The following NRG3 variants were observed in gnomAD, a reference collection of about 807,000 sequenced individuals.
NRG3 encodes the protein pro-neuregulin-3, membrane-bound isoform.
A neutral mutation model predicts 66.9 loss-of-function variants in NRG3; 31 were observed. The observed-to-expected ratio is 0.46, with a 90% CI of 0.35 to 0.63. NRG3 has a LOEUF of 0.63. Among genes scored for constraint, NRG3 ranks in the 20% least tolerant of loss-of-function variants. The probability of loss-of-function intolerance (pLI) is 0.00; values close to 1 mark genes in which losing one functional copy is unlikely to be tolerated. For synonymous variants in NRG3, 393 were observed against 359.4 expected (o/e 1.09, Z -1.06); for missense variants, 910 against 878.9 (o/e 1.04, Z -0.45).
At chr10:81,911,341 T>A (rs1389032908) in intron 1 of NRG3, among the ~76,000 whole-genome samples, 1 of 152,170 alleles carries the variant, frequency 6.6e-6, no homozygotes, top group Non-Finnish European at 1.5e-5. Context: ...CAAAGCCTGC[T>A]ATGGTGCAAA....
intron 2 of NRG3, among the ~76,000 whole-genome samples, chr10:82,530,587 C>G (rs1402363869): frequency 6.6e-6 from 1 of 151,846 alleles, no homozygotes; most frequent in Non-Finnish European, 1.5e-5. Context: ...TCTTACCAAA[C>G]TCAGTTGGGA....
chr10:82,414,854 A>T (rs529190735), intron 2 of NRG3, among the ~76,000 whole-genome samples: 1 of 152,266 alleles, frequency 6.6e-6, no homozygotes, highest in African/African-American at 2.4e-5. Context: ...AACAGGAAGG[A>T]TTCTTGTATT....
At chr10:82,598,327 T>C (rs2047410282) in intron 2 of NRG3, among the ~76,000 whole-genome samples, 1 of 152,176 alleles carries the variant, frequency 6.6e-6, no homozygotes, top group South Asian at 2.1e-4. Context: ...TGGAAGGCAG[T>C]TTTATGTAAT....
At chr10:82,667,157 G>T (rs936085522) in intron 2 of NRG3, among the ~76,000 whole-genome samples, 1 of 152,164 alleles carries the variant, frequency 6.6e-6, no homozygotes, top group African/African-American at 2.4e-5. Flanking sequence ...CTGAACTCAG[G>T]AGTGGTCAAA....
intron 3 of NRG3, among the ~76,000 whole-genome samples, chr10:82,768,952 AT>A (rs1409468733): frequency 6.6e-6 from 1 of 152,100 alleles, no homozygotes; most frequent in Admixed American, 6.6e-5. Context: ...TTCTCTTTCT[AT>A]GTATTTAAGA....
intron 3 of NRG3, among the ~76,000 whole-genome samples, chr10:82,847,042 T>G (rs74995437): frequency 0.024 from 3,587 of 152,238 alleles, 150 homozygotes; most frequent in African/African-American, 0.082. Context: ...TCATCAGAGA[T>G]CCAGTTCCTT....
chr10:82,082,413 A>G lies in NRG3; in HGVS notation c.823+206250A>G, dbSNP rs141304551. 1.5e-3 allele frequency among the ~76,000 whole-genome samples: 223 copies of G among 152,350 alleles called. 1 individual carries two copies. The highest frequency in any genetic ancestry group is 4.8e-3 in the African/African-American group (200 of 41,578). On this transcript the variant is annotated intron_variant, in intron 1 of 8. Transcript: ENST00000372141. ...ATTAAAGTCCACTGAGGTGTAGTCA[A>G]TTGCCAGCTAGTGAGTCAAGGAAGT...
At chr10:82,503,730 A>G (rs544316369) in intron 2 of NRG3, among the ~76,000 whole-genome samples, 18 of 152,312 alleles carry the variant, frequency 1.2e-4, no homozygotes, top group African/African-American at 3.8e-4. Context: ...AGCTCAGGAA[A>G]GATTATATCA....
intron 2 of NRG3, among the ~76,000 whole-genome samples, chr10:82,697,501 C>G (rs2055485006): frequency 6.6e-6 from 1 of 152,150 alleles, no homozygotes; most frequent in African/African-American, 2.4e-5. Flanking sequence ...GAGGATCACA[C>G]ATATTCATTT....
chr10:82,424,785 G>A (rs971094187), intron 2 of NRG3, among the ~76,000 whole-genome samples: 1 of 151,366 alleles, frequency 6.6e-6, no homozygotes, highest in Non-Finnish European at 1.5e-5. Context: ...TTACATTTAG[G>A]TCTATGATCT....
intron 1 of NRG3, among the ~76,000 whole-genome samples, chr10:82,295,774 T>C (rs1215333106): frequency 6.6e-6 from 1 of 152,154 alleles, no homozygotes; most frequent in African/African-American, 2.4e-5. Flanking sequence ...TTTCTCAACG[T>C]CATCTACCAG....
At chr10:82,449,553 C>T (rs1049374792) in intron 2 of NRG3, among the ~76,000 whole-genome samples, 1 of 152,150 alleles carries the variant, frequency 6.6e-6, no homozygotes, top group African/African-American at 2.4e-5. Flanking sequence ...TAACAGAGAA[C>T]GAATAACTTG....
chr10:82,202,966 TATACAC>T (rs1229101696), intron 1 of NRG3, among the ~76,000 whole-genome samples: 3 of 152,206 alleles, frequency 2.0e-5, no homozygotes, highest in African/African-American at 7.2e-5. Context: ...TGATGTGTGA[TATACAC>T]ATAGGAGTAT....
chr10:82,083,814 G>A (rs1372101626), intron 1 of NRG3, among the ~76,000 whole-genome samples: 2 of 150,492 alleles, frequency 1.3e-5, no homozygotes, highest in Non-Finnish European at 3.0e-5. Flanking sequence ...ATGGGGTTTC[G>A]CTGTGTTGGT....
chr10:82,020,464 T>C (rs2062009864), intron 1 of NRG3, among the ~76,000 whole-genome samples: 1 of 152,092 alleles, frequency 6.6e-6, no homozygotes, highest in Admixed American at 6.6e-5. Flanking sequence ...AGGGGAGTTA[T>C]AAGTATCTAG....
intron 2 of NRG3, among the ~76,000 whole-genome samples, chr10:82,461,842 C>T (rs2091530802): frequency 6.6e-6 from 1 of 152,076 alleles, no homozygotes. Context: ...AAAATATTTT[C>T]ATATTAGGCC....
chr10:82,614,039 A>G (rs2048480713), intron 2 of NRG3, among the ~76,000 whole-genome samples: 1 of 152,028 alleles, frequency 6.6e-6, no homozygotes, highest in African/African-American at 2.4e-5. Context: ...AGCTGGGCCT[A>G]CAGGTGCCCA....
rs1264827514 is a variant in NRG3, at chr10:82,150,528, C to CAAAAAAAAAAAAAAAAAAA, written c.824-208210_824-208209insAAAAAAAAAAAAAAAAAAA. Among the ~76,000 whole-genome samples, 3 of 51,726 alleles carry CAAAAAAAAAAAAAAAAAAA rather than the reference C, an allele frequency of 5.8e-5. 1 individual carries two copies. The highest frequency in any genetic ancestry group is 3.6e-5 in the Non-Finnish European group (1 of 27,864). The allele number at this position is 51,726 out of a possible 152,430, so 33.9% of individuals were successfully genotyped here. ...TGATTAACAAAGCAAAAAGAGCACA[C>CAAAAAAAAAAAAAAAAAAA]ACAAAAAAAAAAAAAAAAAAAAAAA... On this transcript the variant is annotated intron_variant, in intron 1 of 8. Transcript: ENST00000372141.
At position 81,879,849 on chromosome 10, in the gene NRG3, A is replaced by G. The variant is rs577695430; in HGVS notation, c.823+3686A>G. Among the ~76,000 whole-genome samples the G allele has an allele frequency of 6.1e-4, 93 of 152,316 alleles. 2 individuals carry two copies. Among genetic ancestry groups the G allele is most frequent in the African/African-American group, 2.1e-3 (88 of 41,572 alleles). On this transcript the variant is annotated intron_variant, in intron 1 of 8. Coordinates refer to ENST00000372141, the MANE Select transcript of NRG3 (RefSeq NM_001010848.4). The stretch of plus-strand genomic sequence containing the variant: ...GGGTACACTTGTTTGCTTTATAAGC[A>G]GCCTCAGATATAATTTGTTTAAATA...
Sources: gnomAD v4.1 joint callset for allele counts (sites outside exome capture counted in the v4.1 genomes callset) on GRCh38, gnomAD v4.1.1 for gene constraint, MANE v1.5 for transcripts, NCBI Gene and HGNC (gene_info 2026-07-23, HGNC 2026-07-21) for gene names.